ZMYM2: variants seen among roughly 807,000 people sequenced by gnomAD.
ZMYM2 encodes zinc finger MYM-type containing 2.
Under a neutral mutation model 162.8 loss-of-function variants are expected in ZMYM2, and 56 were observed. The observed-to-expected ratio is 0.34, with a 90% CI of 0.28 to 0.43. The LOEUF (loss-of-function observed/expected upper bound fraction) is 0.43, where lower values mean the gene tolerates loss of function less well. ZMYM2 is among the 20% of genes least tolerant of loss of function. ZMYM2 has a pLI of 1.00. For synonymous variants in ZMYM2, 510 were observed against 541.6 expected (o/e 0.94, Z 0.81); for missense variants, 1,275 against 1,621.8 (o/e 0.79, Z 3.67).
Position 19,993,501 on chromosome 13 carries a change from T to A in ZMYM2, c.429T>A (p.Pro143=), listed in dbSNP as rs773167127. ...CCTCCAATTTTATTGAACGAAGACC[T>A]CCTGAGACTAAAAACAGAACCAATG... ...KNSSNFIERR[P]PETKNRTNDV... is the part of the protein sequence containing the mutation. Residue 143 remains proline, a synonymous_variant, in exon 3 of 25, where the codon CCT becomes CCA. Transcript: ENST00000610343. The A allele has an allele frequency of 1.9e-6, 3 of 1,613,964 alleles. No homozygotes were observed. Among genetic ancestry groups the A allele is most frequent in the East Asian group, 2.2e-5 (1 of 44,880 alleles).
intron 2 of ZMYM2, among the ~76,000 whole-genome samples, chr13:19,965,800 G>T: frequency 7.6e-6 from 1 of 131,154 alleles, no homozygotes; most frequent in African/African-American, 2.9e-5. Flanking sequence ...TTGAGACGGA[G>T]TCTTGCTGTG....
At chr13:19,956,443 T>C (rs972476362), upstream of ZMYM2, among the ~76,000 whole-genome samples, 53 of 152,352 alleles carry the variant, frequency 3.5e-4, no homozygotes, top group African/African-American at 1.1e-3. Flanking sequence ...TTATGAACAT[T>C]CAAACATTTA....
At chr13:19,907,412 G>A in the ZMYM2 span, among the ~76,000 whole-genome samples, 151 of 152,192 alleles carry the variant, frequency 9.9e-4, 2 homozygotes, top group African/African-American at 3.3e-3. Context: ...CTGTGTCAGG[G>A]CAGGGAGTAT....
At position 20,019,212 on chromosome 13, in the gene ZMYM2, A is replaced by C. The variant is rs34059085; in HGVS notation, c.1513-335A>C. On this transcript the variant is annotated intron_variant, in intron 6 of 24. Transcript: ENST00000610343. ...GCTTCGAGTTTCATTATAAGTGTTA[A>C]CAGTTTTTAAAGAGATCTTAGAACA... Among the ~76,000 whole-genome samples, 7 of 152,346 alleles carry C rather than the reference A, an allele frequency of 4.6e-5. 1 individual carries two copies. The highest frequency in any genetic ancestry group is 4.6e-4 in the Admixed American group (7 of 15,294).
intron 24 of ZMYM2, among the ~76,000 whole-genome samples, chr13:20,084,051 C>G (rs1006040133): frequency 6.6e-6 from 1 of 152,162 alleles, no homozygotes; most frequent in Non-Finnish European, 1.5e-5. Context: ...GCTCTCTCAC[C>G]GAGGCTGGAG....
At chr13:19,982,378 C>G (rs1409233043) in intron 2 of ZMYM2, among the ~76,000 whole-genome samples, 1 of 146,324 alleles carries the variant, frequency 6.8e-6, no homozygotes, top group African/African-American at 2.5e-5. Flanking sequence ...ACCTCCGCCT[C>G]CCAGGTTCAG....
At chr13:19,917,169 A>G in the ZMYM2 span, among the ~76,000 whole-genome samples, 7 of 151,946 alleles carry the variant, frequency 4.6e-5, no homozygotes, top group Admixed American at 6.6e-5. Context: ...TCACTGTGTT[A>G]GCCAGGATGG....
chr13:20,024,550 G>T (rs949557984), intron 7 of ZMYM2: 1 of 223,578 alleles, frequency 4.5e-6, no homozygotes, highest in Non-Finnish European at 8.9e-6. Flanking sequence ...GCAACATAGT[G>T]GCAGTTGTCC....
chr13:19,944,679 A>G, the ZMYM2 span, among the ~76,000 whole-genome samples: 1 of 151,822 alleles, frequency 6.6e-6, no homozygotes, highest in Non-Finnish European at 1.5e-5. Flanking sequence ...TGTCCTATTT[A>G]TTTATTTAGA....
intron 9 of ZMYM2, 38 bp downstream of exon 9, chr13:20,027,356 A>G (rs1952677601): frequency 7.0e-7 from 1 of 1,420,626 alleles, no homozygotes. Context: ...GCCCCCAATA[A>G]AATACACATA....
chr13:20,012,258 C>T (rs1378200256), intron 6 of ZMYM2, among the ~76,000 whole-genome samples: 3 of 152,172 alleles, frequency 2.0e-5, no homozygotes, highest in Non-Finnish European at 2.9e-5. Flanking sequence ...TCACTGCAGC[C>T]TCCGCCTCCT....
the ZMYM2 span, among the ~76,000 whole-genome samples, chr13:19,879,460 A>G: frequency 6.6e-6 from 1 of 152,190 alleles, no homozygotes; most frequent in Non-Finnish European, 1.5e-5. Context: ...TAATTTGACC[A>G]TAGCCACAAA....
intron 9 of ZMYM2, among the ~76,000 whole-genome samples, chr13:20,030,261 C>T (rs1428775664): frequency 5.2e-4 from 77 of 149,246 alleles, no homozygotes; most frequent in South Asian, 1.1e-3. Context: ...GATGGAGTCT[C>T]GCTCTGTCAC....
In ZMYM2 at chr13:20,057,616, C is replaced by T. The variant is rs1955900211; in HGVS notation, c.2494-959C>T. Among the ~76,000 whole-genome samples, 3 of 152,244 alleles carry T rather than the reference C, an allele frequency of 2.0e-5. No homozygotes were observed. In the South Asian group the frequency reaches 6.2e-4, roughly 32 times the overall value. The stretch of plus-strand genomic sequence containing the variant: ...GTGAGTGCTGTACAGTATGCGTGTG[C>T]ATTATATCTGTACTGTGAGTTGATT... On this transcript the variant is annotated intron_variant, in intron 14 of 24. Transcript: ENST00000610343.
At chr13:19,940,518 T>G in the ZMYM2 span, among the ~76,000 whole-genome samples, 1 of 152,250 alleles carries the variant, frequency 6.6e-6, no homozygotes, top group East Asian at 1.9e-4. Context: ...ATTGCTATAT[T>G]AGCCTTCAGG....
chr13:19,941,049 C>T, the ZMYM2 span, among the ~76,000 whole-genome samples: 19 of 152,100 alleles, frequency 1.2e-4, no homozygotes, highest in African/African-American at 3.6e-4. Flanking sequence ...GTGGCTCACT[C>T]CTGTAATCCA....
At chr13:20,026,443 GT>G (rs1156265120) in intron 7 of ZMYM2, 168 bp from the exon 8 acceptor site, 1 of 551,840 alleles carries the variant, frequency 1.8e-6, no homozygotes, top group Non-Finnish European at 3.0e-6. Context: ...GACCTTAGCA[GT>G]TGTTGCATAG....
At chr13:19,926,441 G>A in the ZMYM2 span, among the ~76,000 whole-genome samples, 1 of 140,998 alleles carries the variant, frequency 7.1e-6, no homozygotes, top group Non-Finnish European at 1.5e-5. Context: ...TCGGCTCACC[G>A]CAGCCCCCAC....
At chr13:20,066,156 A>AT (rs1197556528) in intron 19 of ZMYM2, among the ~76,000 whole-genome samples, 3 of 152,162 alleles carry the variant, frequency 2.0e-5, no homozygotes, top group African/African-American at 7.2e-5. Flanking sequence ...CCTATATTTC[A>AT]TTTTTTCTTT....
Sources: allele counts gnomAD v4.1 joint callset (sites outside exome capture counted in the v4.1 genomes callset), GRCh38; gene constraint gnomAD v4.1.1; transcripts MANE v1.5; gene names NCBI Gene and HGNC (gene_info 2026-07-23, HGNC 2026-07-21).